Variants in EPB41L4B observed in about 807,000 individuals in gnomAD.
EPB41L4B encodes the protein erythrocyte membrane protein band 4.1 like 4B.
In EPB41L4B, 30 loss-of-function variants were observed where a neutral mutation model predicts 112.5. That is an observed-to-expected ratio of 0.27 (90% CI 0.20 to 0.36). The LOEUF is 0.36. Ranked by LOEUF, EPB41L4B falls within the 10% of genes least tolerant of loss-of-function variation. The pLI is 1.00. For synonymous variants in EPB41L4B, 408 were observed against 439.7 expected, an observed-to-expected ratio of 0.93 and a Z score of 0.90; for missense variants, 1,024 against 1,133.3, an observed-to-expected ratio of 0.90 and a Z score of 1.38.
chr9:109,267,651 C>A (rs1588189615), intron 3 of EPB41L4B, 100 bp from the exon 4 acceptor site: 1 of 787,956 alleles, frequency 1.3e-6, no homozygotes, highest in East Asian at 2.5e-5. Flanking sequence ...TAACATTTAG[C>A]ACAACATCAG....
chr9:109,202,899 T>C (rs1832882109), intron 19 of EPB41L4B, among the ~76,000 whole-genome samples: 1 of 152,174 alleles, frequency 6.6e-6, no homozygotes, highest in Non-Finnish European at 1.5e-5. Context: ...CTCACACCTG[T>C]AATCTCAGCA....
At chr9:109,251,096 C>T (rs1328209392) in intron 13 of EPB41L4B, among the ~76,000 whole-genome samples, 3 of 152,380 alleles carry the variant, frequency 2.0e-5, no homozygotes, top group Non-Finnish European at 4.4e-5. Context: ...AAAACCTGCA[C>T]GTCACTGAGC....
intron 11 of EPB41L4B, 107 bp from the exon 12 acceptor site, chr9:109,253,657 CTT>C (rs1834877605): frequency 1.3e-6 from 1 of 743,642 alleles, no homozygotes; most frequent in Non-Finnish European, 2.4e-6. Context: ...TACGTTTCAA[CTT>C]AGCCTGAACT....
chr9:109,197,117 CAA>C (rs1165280845), intron 20 of EPB41L4B, among the ~76,000 whole-genome samples: 2 of 152,174 alleles, frequency 1.3e-5, no homozygotes, highest in Non-Finnish European at 2.9e-5. Context: ...TTATCAATAT[CAA>C]AGAGTTAAAG....
chr9:109,268,332 G>C, intron 3 of EPB41L4B, 59 bp downstream of exon 3: 2 of 1,473,534 alleles, frequency 1.4e-6, no homozygotes, highest in Non-Finnish European at 9.3e-7. Context: ...CAAAACACTG[G>C]CAAAGGAGTT....
intron 18 of EPB41L4B, among the ~76,000 whole-genome samples, chr9:109,204,456 T>C (rs2203874): frequency 0.27 from 41,821 of 152,158 alleles, 6,275 homozygotes; most frequent in East Asian, 0.37. Context: ...ATAGATCCAG[T>C]CTTACATCCT....
At position 109,182,771 on chromosome 9, in the gene EPB41L4B, C is replaced by A. The variant is rs755132674; in HGVS notation, c.2445G>T (p.Met815Ile). 9 of 1,612,138 alleles carry A rather than the reference C, an allele frequency of 5.6e-6. No homozygotes were observed. The highest frequency in any genetic ancestry group is 1.1e-5 in the South Asian group (1 of 91,034). Residue 815 changes from methionine (M) to isoleucine (I), a missense_variant, in exon 24 of 26, where the codon ATG becomes ATT. Transcript: ENST00000374566. Reference sequence around the variant, plus strand: ...TGGTGAAAGTATCAGGAAACGGGTTCATTGTATCAACCGGGAATGTTTTTA... The same window carrying A: ...TGGTGAAAGTATCAGGAAACGGGTTAATTGTATCAACCGGGAATGTTTTTA... ...RLIKTFPVDT[M>I]NPFPDTFTTG...
chr9:109,318,684 C>T (rs1233880782), intron 1 of EPB41L4B, among the ~76,000 whole-genome samples: 2 of 152,156 alleles, frequency 1.3e-5, no homozygotes, highest in East Asian at 3.8e-4. Context: ...GAATAAAAAG[C>T]TGGAGAGCCT....
chr9:109,192,229 G>T, intron 22 of EPB41L4B, 49 bp downstream of exon 22: 1 of 1,473,328 alleles, frequency 6.8e-7, no homozygotes, highest in Non-Finnish European at 9.3e-7. Context: ...CTGCCAAGAT[G>T]TTTCTATGGT....
chr9:109,248,432 G>C (rs1351440501), intron 13 of EPB41L4B, among the ~76,000 whole-genome samples: 1 of 152,262 alleles, frequency 6.6e-6, no homozygotes, highest in Admixed American at 6.5e-5. Flanking sequence ...TAAAGGAACA[G>C]TTGCCTAACA....
chr9:109,291,543 C>G (rs1398185499), intron 1 of EPB41L4B, among the ~76,000 whole-genome samples: 1 of 152,148 alleles, frequency 6.6e-6, no homozygotes, highest in Non-Finnish European at 1.5e-5. Flanking sequence ...CTAGGCGGCT[C>G]CTGGAAATTC....
chr9:109,205,887 A>G (rs1832976905), intron 18 of EPB41L4B, among the ~76,000 whole-genome samples: 1 of 152,234 alleles, frequency 6.6e-6, no homozygotes, highest in African/African-American at 2.4e-5. Flanking sequence ...TCACAGATCA[A>G]GGTTCAAAGC....
At chr9:109,250,890 C>T (rs994928685) in intron 13 of EPB41L4B, among the ~76,000 whole-genome samples, 1 of 152,226 alleles carries the variant, frequency 6.6e-6, no homozygotes, top group Non-Finnish European at 1.5e-5. Flanking sequence ...ATATTTTCCA[C>T]AGCGGCTCTC....
intron 23 of EPB41L4B, among the ~76,000 whole-genome samples, chr9:109,184,247 TCTCA>T (rs1227672474): frequency 6.6e-6 from 1 of 152,020 alleles, no homozygotes; most frequent in Admixed American, 6.5e-5. Context: ...TGAGACGGAG[TCTCA>T]CTCTGTCACC....
At chr9:109,316,672 G>C (rs1837647918) in intron 1 of EPB41L4B, among the ~76,000 whole-genome samples, 1 of 152,166 alleles carries the variant, frequency 6.6e-6, no homozygotes, top group Admixed American at 6.5e-5. Flanking sequence ...GGCGAGCAAG[G>C]GCTCATCTGG....
chr9:109,241,558 T>C, intron 15 of EPB41L4B: 2 of 1,555,376 alleles, frequency 1.3e-6, no homozygotes, highest in South Asian at 1.2e-5. Flanking sequence ...GGACTACTCC[T>C]TAAAGACACT....
At chr9:109,304,404 G>A (rs1017390480) in intron 1 of EPB41L4B, among the ~76,000 whole-genome samples, 7 of 152,222 alleles carry the variant, frequency 4.6e-5, no homozygotes, top group African/African-American at 9.6e-5. Flanking sequence ...AGCTTTAAGC[G>A]CACAATCAAC....
intron 2 of EPB41L4B, among the ~76,000 whole-genome samples, chr9:109,273,027 G>A (rs973831266): frequency 6.6e-6 from 1 of 152,040 alleles, no homozygotes; most frequent in African/African-American, 2.4e-5. Flanking sequence ...TCTGCCTGTG[G>A]GGGGATCTTT....
intron 22 of EPB41L4B, among the ~76,000 whole-genome samples, chr9:109,187,863 G>A (rs571157860): frequency 6.6e-5 from 10 of 152,238 alleles, no homozygotes; most frequent in African/African-American, 2.2e-4. Flanking sequence ...TTGATCCACC[G>A]CACAAGCCTT....
Sources: allele counts gnomAD v4.1 joint callset (sites outside exome capture counted in the v4.1 genomes callset), GRCh38; gene constraint gnomAD v4.1.1; transcripts MANE v1.5; gene names NCBI Gene and HGNC (gene_info 2026-07-23, HGNC 2026-07-21).